PRKDC: variants seen among roughly 807,000 people sequenced by gnomAD.
PRKDC encodes DNA-dependent protein kinase catalytic subunit.
A neutral mutation model predicts 486.9 loss-of-function variants in PRKDC; 82 were observed. That is an observed-to-expected ratio of 0.17 (90% CI 0.14 to 0.20). The LOEUF (loss-of-function observed/expected upper bound fraction) is 0.20. PRKDC is among the 10% of genes least tolerant of loss of function. PRKDC has a pLI of 1.00. For missense variants in PRKDC, 4,504 were observed against 5,038.2 expected (o/e 0.89, Z 3.21); for synonymous variants, 1,895 against 1,837.0 (o/e 1.03, Z -0.81).
chr8:47,913,697 T>A (rs1283861507), intron 24 of PRKDC, among the ~76,000 whole-genome samples: 1 of 152,100 alleles, frequency 6.6e-6, no homozygotes, highest in African/African-American at 2.4e-5. Flanking sequence ...CCAGCCCAAT[T>A]ACCTATTAAG....
At chr8:47,778,363 T>G (rs1329439683) in intron 83 of PRKDC, 96 bp downstream of exon 83, 2 of 1,310,848 alleles carry the variant, frequency 1.5e-6, no homozygotes, top group Admixed American at 4.6e-5. Context: ...AACTAATATG[T>G]TGTTTTTCCT....
intron 30 of PRKDC, among the ~76,000 whole-genome samples, chr8:47,896,646 C>CA (rs142849899): frequency 0.034 from 1,770 of 52,368 alleles, 29 homozygotes; most frequent in African/African-American, 0.082. Context: ...GACTCCGTCT[C>CA]AAAAAAAAAA....
At chr8:47,947,403 G>C (rs2090552163) in intron 7 of PRKDC, among the ~76,000 whole-genome samples, 1 of 152,230 alleles carries the variant, frequency 6.6e-6, no homozygotes, top group South Asian at 2.1e-4. Flanking sequence ...CCACTAGACT[G>C]AGCTCATGAT....
intron 35 of PRKDC, among the ~76,000 whole-genome samples, chr8:47,886,956 G>C (rs2089347383): frequency 6.6e-6 from 1 of 152,158 alleles, no homozygotes; most frequent in Non-Finnish European, 1.5e-5. Flanking sequence ...TTGTTGCTTT[G>C]AGGATAGTCT....
chr8:47,910,502 C>T (rs918990755), intron 25 of PRKDC, among the ~76,000 whole-genome samples: 4 of 152,200 alleles, frequency 2.6e-5, no homozygotes, highest in Non-Finnish European at 4.4e-5. Flanking sequence ...CAGCACCTAG[C>T]TCTCCCACTG....
At chr8:47,947,440 T>C (rs572011573) in intron 7 of PRKDC, among the ~76,000 whole-genome samples, 5 of 152,360 alleles carry the variant, frequency 3.3e-5, no homozygotes, top group South Asian at 2.1e-4. Flanking sequence ...TTTCAATTAC[T>C]GGTTTAACAC....
intron 14 of PRKDC, among the ~76,000 whole-genome samples, chr8:47,934,505 A>C (rs2090313516): frequency 6.6e-6 from 1 of 152,228 alleles, no homozygotes; most frequent in Admixed American, 6.5e-5. Flanking sequence ...ACTGCACTCC[A>C]GCCTGGGTGA....
At chr8:47,919,723 G>GATTTTTT (rs2090043356) in intron 21 of PRKDC, among the ~76,000 whole-genome samples, 1 of 127,050 alleles carries the variant, frequency 7.9e-6, no homozygotes, top group African/African-American at 2.9e-5. Flanking sequence ...GTTTTTAGTG[G>GATTTTTT]TTTTTTTTTT....
Position 47,820,852 on chromosome 8 carries a change from G to C in PRKDC, c.9203C>G (p.Ala3068Gly). Reference protein sequence around the residue: ...DQSLLTFIDKAMHGELQKAIL... With the variant: ...DQSLLTFIDKGMHGELQKAIL... ...CGCCTTCTGGAGCTCCCCGTGCATAGCTTTGTCAATAAATGTCAGCAGGGA... is the reference window on the plus strand; with the variant it reads ...CGCCTTCTGGAGCTCCCCGTGCATACCTTTGTCAATAAATGTCAGCAGGGA... The change falls in exon 66 of 86, where the codon GCT becomes GGT. Residue 3068 changes from alanine to glycine, a missense_variant. By Grantham distance (60) the Ala-to-Gly change is moderately conservative. Coordinates refer to ENST00000314191, the MANE Select transcript of PRKDC (RefSeq NM_006904.7). The C allele has an allele frequency of 1.9e-6, 3 of 1,612,872 alleles. No homozygotes were observed. In the South Asian group the frequency reaches 3.3e-5, roughly 18 times the overall value.
At position 47,943,329 on chromosome 8, in the gene PRKDC, A is replaced by G; in HGVS notation, c.846T>C (p.Phe282=). ...CGTAGTTGTCCAGAAGGCAGGTGCT[A>G]AACTGAGATGCATGCAGGGCAAATA... The part of the protein sequence containing the change: ...LRLFALHASQ[F]STCLLDNYVS... Residue 282 remains phenylalanine, a synonymous_variant, in exon 10 of 86, where the codon TTT becomes TTC. Coordinates refer to ENST00000314191, the MANE Select transcript of PRKDC (RefSeq NM_006904.7). 1.9e-6 allele frequency: 3 copies of G among 1,611,538 alleles called. No individual in the cohort carries two copies. Among genetic ancestry groups the G allele is most frequent in the Non-Finnish European group, 2.5e-6 (3 of 1,178,836 alleles).
At chr8:47,852,843 TATAA>T in intron 51 of PRKDC, 59 bp from the exon 52 acceptor site, 2 of 1,131,802 alleles carry the variant, frequency 1.8e-6, no homozygotes, top group South Asian at 1.4e-5. Context: ...GTTCCACAAA[TATAA>T]ATGACAATTT....
At chr8:47,882,224 T>C in intron 36 of PRKDC, 127 bp from the exon 37 acceptor site, 2 of 888,726 alleles carry the variant, frequency 2.3e-6, no homozygotes, top group South Asian at 1.8e-5. Flanking sequence ...GATGTTTATC[T>C]ACTTCAAAAC....
intron 68 of PRKDC, among the ~76,000 whole-genome samples, chr8:47,817,173 C>A (rs904053046): frequency 6.6e-6 from 1 of 152,202 alleles, no homozygotes; most frequent in African/African-American, 2.4e-5. Context: ...GTGAGAGAAG[C>A]AAATGCACAC....
rs531345312 is a variant in PRKDC at position 47,832,750 on chromosome 8, G to A, written c.8153-824C>T. Among the ~76,000 whole-genome samples the A allele has an allele frequency of 2.6e-5, 4 of 152,324 alleles. No homozygotes were observed. In the East Asian group the frequency reaches 7.7e-4, roughly 29 times the overall value. On this transcript the variant is annotated intron_variant, in intron 59 of 85. Transcript: ENST00000314191. ...TGAAGAACTCAACAAAATCACCTGT[G>A]ATGATGCTCCAGAACTGGAAGGTGA...
At position 47,830,644 on chromosome 8, in the gene PRKDC, C is replaced by T. The variant is rs757938239; in HGVS notation, c.8358G>A (p.Lys2786=). The T allele has an allele frequency of 6.2e-7, 1 of 1,613,980 alleles. No individual in the cohort carries two copies. The highest frequency in any genetic ancestry group is 1.7e-5 in the Admixed American group (1 of 60,004). Residue 2786 remains lysine (K), a synonymous_variant, in exon 61 of 86, where the codon AAG becomes AAA. Coordinates refer to ENST00000314191, the MANE Select transcript of PRKDC (RefSeq NM_006904.7). ...RHGDLPDIQI[K]HSSLITPLQA... is the part of the protein sequence containing the mutation. Reference sequence around the variant, plus strand: ...GTAACGGGGTGATGAGGCTGCTGTGCTTGATCTGAATGTCAGGAAGGTCTC... The same window carrying T: ...GTAACGGGGTGATGAGGCTGCTGTGTTTGATCTGAATGTCAGGAAGGTCTC...
At position 47,902,626 on chromosome 8, in the gene PRKDC, T is replaced by C. The variant is rs8178070; in HGVS notation, c.3212A>G (p.Asn1071Ser). ...KRLYSLALHP[N>S]AFKRLGASLA... ...TGATGCTCCCAGCCTCTTGAAAGCA[T>C]TGGGGTGAAGCGCAAGGCTATAAAG... is the stretch of plus-strand genomic sequence containing the variant. The change falls in exon 27 of 86, where the codon AAT becomes AGT. Residue 1071 changes from asparagine (N) to serine (S), a missense_variant. By Grantham distance (46) the Asn-to-Ser change is conservative. Coordinates refer to ENST00000314191, the MANE Select transcript of PRKDC (RefSeq NM_006904.7). 2.7e-3 allele frequency: 4,277 copies of C among 1,612,030 alleles called. 93 individuals carry two copies. In the African/African-American group the frequency reaches 0.051, roughly 19 times the overall value.
intron 54 of PRKDC, among the ~76,000 whole-genome samples, chr8:47,844,640 A>G (rs1320057184): frequency 6.6e-6 from 1 of 152,218 alleles, no homozygotes; most frequent in African/African-American, 2.4e-5. Flanking sequence ...GCTCAGCCAT[A>G]AAGCAAGCCT....
rs368532413 is a variant in PRKDC, at chr8:47,778,436, T to C, written c.11853+23A>G. On this transcript the variant is annotated intron_variant, in intron 83 of 85. Coordinates refer to ENST00000314191, the MANE Select transcript of PRKDC (RefSeq NM_006904.7). ...ATGATGACTCTCGCCTTGCCCAGGA[T>C]CACGAGAGCACAGCAAGTGCACCTG... is the stretch of plus-strand genomic sequence containing the variant. The C allele has an allele frequency of 2.0e-5, 32 of 1,604,734 alleles. No individual in the cohort carries two copies. In the African/African-American group the frequency reaches 2.7e-4, roughly 13 times the overall value.
intron 10 of PRKDC, among the ~76,000 whole-genome samples, chr8:47,942,242 G>A (rs2090456677): frequency 6.6e-6 from 1 of 152,212 alleles, no homozygotes; most frequent in African/African-American, 2.4e-5. Context: ...AGTAAGGCCA[G>A]CCAAGTTCAG....
Sources: allele counts gnomAD v4.1 joint callset (sites outside exome capture counted in the v4.1 genomes callset), GRCh38; gene constraint gnomAD v4.1.1; transcripts MANE v1.5; gene names NCBI Gene and HGNC (gene_info 2026-07-23, HGNC 2026-07-21).